The following MTR variants were observed in gnomAD, a reference collection of about 807,000 sequenced individuals.
MTR encodes the protein methionine synthase.
In MTR, 84 loss-of-function variants were observed where a neutral mutation model predicts 154.8. The observed-to-expected ratio is 0.54, with a 90% CI of 0.45 to 0.65. The LOEUF (loss-of-function observed/expected upper bound fraction) is 0.65. Ranked by LOEUF, MTR falls within the 30% of genes least tolerant of loss-of-function variation. The pLI, the probability that MTR is intolerant of heterozygous loss-of-function variation, is 0.00. For synonymous variants in MTR, 554 were observed against 553.9 expected, an observed-to-expected ratio of 1.00 and a Z score of 0.00; for missense variants, 1,275 against 1,570.2, an observed-to-expected ratio of 0.81 and a Z score of 3.18.
chr1:236,808,907 A>G, intron 4 of MTR, 134 bp downstream of exon 4: 2 of 779,916 alleles, frequency 2.6e-6, no homozygotes, highest in Non-Finnish European at 4.5e-6. Context: ...TGTATTTTAC[A>G]TGTTTGTAGA....
intron 24 of MTR, among the ~76,000 whole-genome samples, chr1:236,879,225 CACCTCT>C (rs764776506): frequency 1.1e-4 from 16 of 152,248 alleles, no homozygotes; most frequent in Non-Finnish European, 2.1e-4. Flanking sequence ...CCTTCAGCCT[CACCTCT>C]AACCCCCATA....
Position 236,796,285 on chromosome 1 carries a change from T to C in MTR, c.34+548T>C, listed in dbSNP as rs533909189. On this transcript the variant is annotated intron_variant, in intron 1 of 32. Coordinates refer to ENST00000366577, the MANE Select transcript of MTR (RefSeq NM_000254.3). ...TAGATGAGCAGACCCCACCTCCAGA[T>C]ACCGAAATGGGAGGTAGTAATTTCA... Among the ~76,000 whole-genome samples, 8 of 152,324 alleles carry C rather than the reference T, an allele frequency of 5.3e-5. No homozygotes were observed. In the South Asian group the frequency reaches 8.3e-4, roughly 16 times the overall value.
At position 236,887,852 on chromosome 1, in the gene MTR, G is replaced by A. The variant is rs978004693; in HGVS notation, c.2852-1329G>A. Among the ~76,000 whole-genome samples, 24 of 152,222 alleles carry A rather than the reference G, an allele frequency of 1.6e-4. 1 individual carries two copies. Among genetic ancestry groups the A allele is most frequent in the Admixed American group, 1.4e-3 (22 of 15,290 alleles). ...AAACATTTCTTAAATTCTGGGAGAC[G>A]AGAGAGTCCATCAGTGGCTCTGCAG... On this transcript the variant is annotated intron_variant, in intron 27 of 32. Coordinates refer to ENST00000366577, the MANE Select transcript of MTR (RefSeq NM_000254.3).
At chr1:236,897,443 T>A in intron 32 of MTR, 115 bp from the exon 33 acceptor site, 1 of 1,009,310 alleles carries the variant, frequency 9.9e-7, no homozygotes, top group East Asian at 2.4e-5. Flanking sequence ...CTCTGTAGAT[T>A]GCTATTAAGA....
At position 236,856,155 on chromosome 1, in the gene MTR, A is replaced by G. The variant is rs1328466580; in HGVS notation, c.1953+3067A>G. Among the ~76,000 whole-genome samples the G allele has an allele frequency of 3.3e-5, 5 of 152,042 alleles. No homozygotes were observed. The South Asian group carries it at 8.3e-4, about 25-fold the overall frequency. Reference sequence around the variant, plus strand: ...CCTTCCCACCCCATAAGTCTGGTACATTGTGGTATTTTTCTGTGAACACAC... The same window carrying G: ...CCTTCCCACCCCATAAGTCTGGTACGTTGTGGTATTTTTCTGTGAACACAC... On this transcript the variant is annotated intron_variant, in intron 18 of 32. Transcript: ENST00000366577.
At chr1:236,825,219 G>T in intron 9 of MTR, 119 bp from the exon 10 acceptor site, 6 of 486,740 alleles carry the variant, frequency 1.2e-5, no homozygotes, top group African/African-American at 4.5e-5. Flanking sequence ...GTTTGTTTTT[G>T]CAAGTAGTCA....
chr1:236,880,630 A>G, intron 24 of MTR, 125 bp from the exon 25 acceptor site: 1 of 808,052 alleles, frequency 1.2e-6, no homozygotes, highest in Non-Finnish European at 2.1e-6. Context: ...TTTGTAGGTA[A>G]GCACCTTGAA....
At chr1:236,839,774 CA>C (rs1663123552) in intron 15 of MTR, among the ~76,000 whole-genome samples, 1 of 152,012 alleles carries the variant, frequency 6.6e-6, no homozygotes, top group East Asian at 1.9e-4. Flanking sequence ...ATTGTGGTAG[CA>C]AAAAGCTGAG....
intron 8 of MTR, among the ~76,000 whole-genome samples, chr1:236,819,007 G>A (rs545539105): frequency 2.0e-5 from 3 of 152,274 alleles, no homozygotes; most frequent in African/African-American, 7.2e-5. Context: ...GGGAGACAGA[G>A]TTTTCTTTTT....
At chr1:236,820,758 C>T (rs892050512) in intron 8 of MTR, among the ~76,000 whole-genome samples, 2 of 152,140 alleles carry the variant, frequency 1.3e-5, no homozygotes, top group Non-Finnish European at 2.9e-5. Context: ...TTCCATTTTG[C>T]ATTCCTACCA....
intron 15 of MTR, among the ~76,000 whole-genome samples, chr1:236,844,701 C>G (rs1304394680): frequency 6.6e-6 from 1 of 152,068 alleles, no homozygotes; most frequent in East Asian, 1.9e-4. Flanking sequence ...AAAGAGAAGG[C>G]AGAGTAAAGA....
At position 236,812,849 on chromosome 1, in the gene MTR, GT is replaced by G; in HGVS notation, c.609+7del. 1 of 1,612,682 alleles carries G rather than the reference GT, an allele frequency of 6.2e-7. No homozygotes were observed. The highest frequency in any genetic ancestry group is 8.5e-7 in the Non-Finnish European group (1 of 1,178,724). On this transcript the variant is annotated splice_donor_region_variant and intron_variant, in intron 6 of 32. Transcript: ENST00000366577. ...TTTGATACTGCCAATGCCAAGGTGAGTTAAGGGAGAAAAAACAGACAAGGCT... is the reference window on the plus strand; with the variant it reads ...TTTGATACTGCCAATGCCAAGGTGAGTAAGGGAGAAAAAACAGACAAGGCT...
intron 4 of MTR, among the ~76,000 whole-genome samples, chr1:236,809,791 A>C (rs1488561305): frequency 5.9e-5 from 9 of 152,202 alleles, no homozygotes; most frequent in Non-Finnish European, 1.2e-4. Context: ...CATCAAAGGT[A>C]ATGAGCAGTA....
chr1:236,854,062 A>G (rs188739988), intron 18 of MTR, among the ~76,000 whole-genome samples: 4 of 152,352 alleles, frequency 2.6e-5, no homozygotes, highest in Admixed American at 2.6e-4. Context: ...AACTTTGTTA[A>G]TGTTTTCCAT....
chr1:236,814,881 A>G (rs1162637675), intron 6 of MTR, among the ~76,000 whole-genome samples: 1 of 152,224 alleles, frequency 6.6e-6, no homozygotes, highest in Non-Finnish European at 1.5e-5. Flanking sequence ...GTAACTTTCC[A>G]TGAAAAAAAC....
At chr1:236,831,823 C>T (rs1662628461) in intron 12 of MTR, 143 bp from the exon 13 acceptor site, 1 of 681,808 alleles carries the variant, frequency 1.5e-6, no homozygotes. Flanking sequence ...GACTATGGCC[C>T]TGTTTCCACA....
intron 24 of MTR, among the ~76,000 whole-genome samples, chr1:236,877,723 G>A (rs1665509136): frequency 6.6e-6 from 1 of 152,108 alleles, no homozygotes; most frequent in African/African-American, 2.4e-5. Context: ...GAATTTTGGT[G>A]CACATGTATG....
intron 1 of MTR, chr1:236,800,414 GTCATT>G (rs1455945904): frequency 1.0e-6 from 1 of 985,310 alleles, no homozygotes; most frequent in Non-Finnish European, 1.2e-6. Context: ...TTCACGTGAT[GTCATT>G]TCAGGGAGAA....
intron 22 of MTR, among the ~76,000 whole-genome samples, chr1:236,869,545 G>A (rs777500540): frequency 1.3e-5 from 2 of 152,110 alleles, no homozygotes; most frequent in East Asian, 1.9e-4. Flanking sequence ...AACAACTTCC[G>A]TAACATTCAT....
Sources: allele counts gnomAD v4.1 joint callset (sites outside exome capture counted in the v4.1 genomes callset), GRCh38; gene constraint gnomAD v4.1.1; transcripts MANE v1.5; gene names NCBI Gene and HGNC (gene_info 2026-07-23, HGNC 2026-07-21).